NDUFAF2: variants seen among roughly 807,000 people sequenced by gnomAD.
The protein encoded by NDUFAF2 is NADH:ubiquinone oxidoreductase complex assembly factor 2, also known as NADH dehydrogenase [ubiquinone] 1 alpha subcomplex assembly factor 2.
Under a neutral mutation model 22.8 loss-of-function variants are expected in NDUFAF2, and 13 were observed. That is an observed-to-expected ratio of 0.57 (90% confidence interval 0.37 to 0.91). The LOEUF (loss-of-function observed/expected upper bound fraction) is 0.91. NDUFAF2 is among the 40% of genes least tolerant of loss of function. The probability of loss-of-function intolerance (pLI) is 0.01; values close to 1 mark genes in which losing one functional copy is unlikely to be tolerated. For missense variants in NDUFAF2, 162 were observed against 195.2 expected (o/e 0.83, Z 1.01); for synonymous variants, 53 against 64.2 (o/e 0.83, Z 0.84).
At chr5:61,127,830 G>A (rs295575) in intron 3 of NDUFAF2, among the ~76,000 whole-genome samples, 94,862 of 151,740 alleles carry the variant, frequency 0.63, 30,454 homozygotes, top group East Asian at 0.94. Flanking sequence ...AGGGTATTCA[G>A]TTAGGAAAAG....
chr5:61,061,467 GAC>G (rs1752164948), intron 1 of NDUFAF2, among the ~76,000 whole-genome samples: 1 of 151,912 alleles, frequency 6.6e-6, no homozygotes, highest in African/African-American at 2.4e-5. Flanking sequence ...AATTCCTTTA[GAC>G]TCTTCATAAT....
At chr5:61,010,425 CAT>C (rs1007274825) in intron 1 of NDUFAF2, among the ~76,000 whole-genome samples, 5 of 152,092 alleles carry the variant, frequency 3.3e-5, no homozygotes, top group South Asian at 2.1e-4. Flanking sequence ...GGTCTTTACA[CAT>C]GTTTTGCTTG....
intron 1 of NDUFAF2, among the ~76,000 whole-genome samples, chr5:61,067,621 C>T (rs1040642691): frequency 2.4e-4 from 36 of 152,168 alleles, no homozygotes; most frequent in Admixed American, 4.6e-4. Flanking sequence ...AATAAACATA[C>T]GTGTGCATGT....
chr5:61,005,339 G>T lies in NDUFAF2; in HGVS notation c.127+59957G>T, dbSNP rs897168581. On this transcript the variant is annotated intron_variant, in intron 1 of 3. Transcript: ENST00000296597. ...CATTTTCTTAATCCAGTCTATCATT[G>T]TTGGACATTTGGGTTGGTTCCAAGT... is the stretch of plus-strand genomic sequence containing the variant. 3.3e-5 allele frequency among the ~76,000 whole-genome samples: 5 copies of T among 152,256 alleles called. 1 individual carries two copies. The East Asian group carries it at 7.7e-4, about 23-fold the overall frequency.
At chr5:61,067,686 G>T (rs189577850) in intron 1 of NDUFAF2, among the ~76,000 whole-genome samples, 20 of 152,158 alleles carry the variant, frequency 1.3e-4, no homozygotes, top group Non-Finnish European at 2.8e-4. Flanking sequence ...GTAATGGGAT[G>T]GCTGGGTCAA....
intron 1 of NDUFAF2, among the ~76,000 whole-genome samples, chr5:61,021,284 CCT>C (rs1427272409): frequency 1.3e-5 from 2 of 151,848 alleles, no homozygotes; most frequent in African/African-American, 2.4e-5. Context: ...GTTTTTTTCC[CCT>C]GTTCTAGCTT....
At chr5:60,984,934 A>T (rs994382499) in intron 1 of NDUFAF2, among the ~76,000 whole-genome samples, 3 of 151,986 alleles carry the variant, frequency 2.0e-5, no homozygotes, top group African/African-American at 4.8e-5. Context: ...GGATTCCCTC[A>T]TTTTCTATTG....
chr5:61,017,565 T>G (rs1379494359), intron 1 of NDUFAF2, among the ~76,000 whole-genome samples: 1 of 152,128 alleles, frequency 6.6e-6, no homozygotes, highest in Non-Finnish European at 1.5e-5. Flanking sequence ...TAGAACTGAT[T>G]GGAAATTTTG....
chr5:61,123,307 C>T (rs1237659580), intron 3 of NDUFAF2, among the ~76,000 whole-genome samples: 1 of 152,082 alleles, frequency 6.6e-6, no homozygotes, highest in Non-Finnish European at 1.5e-5. Flanking sequence ...GTCATTTCGT[C>T]GTCGTGCAAA....
intron 1 of NDUFAF2, among the ~76,000 whole-genome samples, chr5:60,990,806 G>T (rs1037428142): frequency 6.6e-6 from 1 of 152,078 alleles, no homozygotes; most frequent in Admixed American, 6.6e-5. Context: ...TTAATTTTGT[G>T]TATTTCTAGG....
intron 1 of NDUFAF2, among the ~76,000 whole-genome samples, chr5:61,008,113 G>C (rs986189703): frequency 7.0e-6 from 1 of 143,252 alleles, no homozygotes; most frequent in Non-Finnish European, 1.5e-5. Flanking sequence ...GAGAACACAT[G>C]GACAGAGGAA....
At chr5:61,123,261 AC>A (rs1269065786) in intron 3 of NDUFAF2, among the ~76,000 whole-genome samples, 2 of 152,184 alleles carry the variant, frequency 1.3e-5, no homozygotes, top group Non-Finnish European at 2.9e-5. Context: ...TGTAAATAGT[AC>A]CAAGTACAGT....
intron 2 of NDUFAF2, among the ~76,000 whole-genome samples, chr5:61,079,076 T>G (rs1752406842): frequency 6.6e-6 from 1 of 152,168 alleles, no homozygotes; most frequent in South Asian, 2.1e-4. Context: ...TAAGCTTTAC[T>G]TATCACATAT....
chr5:61,141,214 C>T (rs571926024), intron 3 of NDUFAF2, among the ~76,000 whole-genome samples: 70 of 138,218 alleles, frequency 5.1e-4, no homozygotes, highest in African/African-American at 1.8e-3. Flanking sequence ...GCAAAAACAG[C>T]GAAACTCCGT....
intron 1 of NDUFAF2, among the ~76,000 whole-genome samples, chr5:60,956,509 T>G (rs1750617967): frequency 6.6e-6 from 1 of 152,310 alleles, no homozygotes; most frequent in African/African-American, 2.4e-5. Context: ...TTCATTATGT[T>G]GAGGTGCATC....
chr5:61,049,472 T>A (rs186049632), intron 1 of NDUFAF2, among the ~76,000 whole-genome samples: 21 of 152,262 alleles, frequency 1.4e-4, no homozygotes, highest in Non-Finnish European at 2.5e-4. Flanking sequence ...TAAAATTTAC[T>A]ATCTTAATCA....
intron 1 of NDUFAF2, among the ~76,000 whole-genome samples, chr5:60,957,323 A>G (rs944716736): frequency 3.3e-5 from 5 of 152,102 alleles, no homozygotes; most frequent in African/African-American, 1.2e-4. Flanking sequence ...CAATTTACCT[A>G]TAAACATTTC....
At chr5:61,136,752 C>G (rs2111820975) in intron 3 of NDUFAF2, among the ~76,000 whole-genome samples, 1 of 152,258 alleles carries the variant, frequency 6.6e-6, no homozygotes, top group East Asian at 1.9e-4. Flanking sequence ...CAAACGAGCT[C>G]AGTTTTGCCA....
At chr5:60,964,375 CAT>C (rs757709621) in intron 1 of NDUFAF2, among the ~76,000 whole-genome samples, 1 of 151,694 alleles carries the variant, frequency 6.6e-6, no homozygotes, top group South Asian at 2.1e-4. Context: ...AGCTAATTAA[CAT>C]ATGTATTACC....
Sources: allele counts gnomAD v4.1 joint callset (sites outside exome capture counted in the v4.1 genomes callset), GRCh38; gene constraint gnomAD v4.1.1; transcripts MANE v1.5; gene names NCBI Gene and HGNC (gene_info 2026-07-23, HGNC 2026-07-21).